The following NLGN4X variants were observed in gnomAD, a reference collection of about 807,000 sequenced individuals.
NLGN4X encodes the protein neuroligin-4, X-linked.
Under a neutral mutation model 40.3 loss-of-function variants are expected in NLGN4X, and 3 were observed. The observed-to-expected ratio is 0.07, with a 90% confidence interval of 0.03 to 0.19. The LOEUF (loss-of-function observed/expected upper bound fraction) is 0.19, where lower values mean the gene tolerates loss of function less well. NLGN4X is among the 10% of genes least tolerant of loss of function. The pLI is 1.00. For synonymous variants in NLGN4X, 270 were observed against 306.8 expected (o/e 0.88, Z 1.25); for missense variants, 382 against 708.3 (o/e 0.54, Z 5.23).
At chrX:6,024,456 A>G (rs2036633624) in intron 3 of NLGN4X, among the ~76,000 whole-genome samples, 1 of 111,118 alleles carries the variant, frequency 9.0e-6, no homozygotes, top group Non-Finnish European at 1.9e-5. Context: ...AGGGCTGGGT[A>G]ACGTAAGGCT....
chrX:6,201,302 C>A (rs1001831166), intron 1 of NLGN4X, among the ~76,000 whole-genome samples: 3 of 111,742 alleles, frequency 2.7e-5, no homozygotes, highest in Non-Finnish European at 3.8e-5. Context: ...AAGCAAGAAA[C>A]CAAGGTGAAA....
At chrX:6,052,386 TTC>T (rs780521227) in intron 2 of NLGN4X, among the ~76,000 whole-genome samples, 1 of 112,643 alleles carries the variant, frequency 8.9e-6, no homozygotes, top group South Asian at 3.7e-4. Context: ...TACTCATCTA[TTC>T]TCTTTCTGAC....
At chrX:6,013,407 A>AT (rs2036305350) in intron 3 of NLGN4X, among the ~76,000 whole-genome samples, 1 of 110,926 alleles carries the variant, frequency 9.0e-6, no homozygotes, top group African/African-American at 3.3e-5. Context: ...CAAACTAAAA[A>AT]AAAAAAAAAA....
At chrX:6,204,194 C>T (rs1464025494) in intron 1 of NLGN4X, among the ~76,000 whole-genome samples, 1 of 112,258 alleles carries the variant, frequency 8.9e-6, no homozygotes, top group Admixed American at 9.4e-5. Flanking sequence ...AGAATAGCTG[C>T]ATGCAGCCTG....
chrX:5,925,879 CACATATATAT>C (rs1250189358), intron 3 of NLGN4X, among the ~76,000 whole-genome samples: 520 of 46,793 alleles, frequency 0.011, 38 homozygotes, highest in African/African-American at 0.016. Flanking sequence ...TATACATACA[CACATATATAT>C]ATATATATAT....
chrX:6,035,468 G>A (rs922523754), intron 2 of NLGN4X, among the ~76,000 whole-genome samples: 2 of 111,558 alleles, frequency 1.8e-5, no homozygotes, highest in Admixed American at 9.6e-5. Context: ...CCTGTCGTTC[G>A]AGTTAATTTT....
intron 2 of NLGN4X, among the ~76,000 whole-genome samples, chrX:6,121,309 T>C (rs980611868): frequency 1.4e-5 from 1 of 72,327 alleles, no homozygotes; most frequent in East Asian, 4.1e-4. Flanking sequence ...ACTGCATTGT[T>C]GTGTCTGACA....
At chrX:6,215,963 G>A (rs887055812) in intron 1 of NLGN4X, among the ~76,000 whole-genome samples, 3 of 107,713 alleles carry the variant, frequency 2.8e-5, no homozygotes, top group Non-Finnish European at 1.9e-5. Flanking sequence ...TGCAACCTCC[G>A]ACTCCTGAGT....
intron 2 of NLGN4X, among the ~76,000 whole-genome samples, chrX:6,141,365 C>T (rs949106342): frequency 1.7e-4 from 19 of 111,564 alleles, no homozygotes; most frequent in African/African-American, 5.9e-4. Flanking sequence ...ATTCAATTAA[C>T]CTGACATCAA....
chrX:6,049,301 T>A, intron 2 of NLGN4X, among the ~76,000 whole-genome samples: 1 of 85,808 alleles, frequency 1.2e-5, no homozygotes, highest in South Asian at 7.8e-4. Flanking sequence ...ACAAGAAAGC[T>A]GCTCTGATCC....
intron 2 of NLGN4X, among the ~76,000 whole-genome samples, chrX:6,113,159 A>T (rs1274509370): frequency 9.0e-6 from 1 of 111,183 alleles, no homozygotes. Context: ...ATAGGATTTG[A>T]GGAAAGAAAA....
At chrX:5,964,253 T>G in intron 3 of NLGN4X, among the ~76,000 whole-genome samples, 1 of 112,010 alleles carries the variant, frequency 8.9e-6, no homozygotes, top group Non-Finnish European at 1.9e-5. Flanking sequence ...AGATGGCTAG[T>G]AGTACATTTG....
chrX:5,993,766 G>C (rs1188514230), intron 3 of NLGN4X, among the ~76,000 whole-genome samples: 2 of 111,664 alleles, frequency 1.8e-5, no homozygotes, highest in African/African-American at 6.5e-5. Context: ...AGAAAGAAGT[G>C]CTCTTTGGTC....
At chrX:6,219,635 TCTTCCTTCCGTCCTTTCTTC>T (rs2147900512) in intron 1 of NLGN4X, among the ~76,000 whole-genome samples, 1 of 107,015 alleles carries the variant, frequency 9.3e-6, no homozygotes, top group African/African-American at 3.4e-5. Flanking sequence ...ATCCCTTCCT[TCTTCCTTCCGTCCTTTCTTC>T]CTTCCTTCTT....
chrX:6,099,300 T>A (rs1354726802), intron 2 of NLGN4X, among the ~76,000 whole-genome samples: 1 of 112,403 alleles, frequency 8.9e-6, no homozygotes, highest in East Asian at 2.8e-4. Flanking sequence ...TCGTAGAATA[T>A]TCTGGGATAG....
At chrX:6,007,115 A>C (rs1445811866) in intron 3 of NLGN4X, among the ~76,000 whole-genome samples, 1 of 112,187 alleles carries the variant, frequency 8.9e-6, no homozygotes, top group Non-Finnish European at 1.9e-5. Flanking sequence ...TATCCATGGA[A>C]TACAACTCAG....
At chrX:5,905,958 G>C (rs985052393) in intron 4 of NLGN4X, among the ~76,000 whole-genome samples, 4 of 112,152 alleles carry the variant, frequency 3.6e-5, no homozygotes, top group Admixed American at 1.9e-4. Context: ...TCAGTGCCTG[G>C]CTTGTATTTT....
chrX:5,930,108 C>T (rs1388339786), intron 3 of NLGN4X, among the ~76,000 whole-genome samples: 1 of 111,653 alleles, frequency 9.0e-6, no homozygotes, highest in Non-Finnish European at 1.9e-5. Context: ...TTTCCTGCTT[C>T]TTCTGTTTTT....
intron 3 of NLGN4X, among the ~76,000 whole-genome samples, chrX:6,025,742 A>T (rs1487882832): frequency 9.1e-6 from 1 of 109,657 alleles, no homozygotes; most frequent in Non-Finnish European, 1.9e-5. Flanking sequence ...CGTCTCTACT[A>T]AAAATACAAA....
Sources: gnomAD v4.1 joint callset for allele counts (sites outside exome capture counted in the v4.1 genomes callset) on GRCh38, gnomAD v4.1.1 for gene constraint, MANE v1.5 for transcripts, NCBI Gene and HGNC (gene_info 2026-07-23, HGNC 2026-07-21) for gene names.